The following WWP2 variants were observed in gnomAD, a reference collection of about 807,000 sequenced individuals.
WWP2 encodes NEDD4-like E3 ubiquitin-protein ligase WWP2.
A neutral mutation model predicts 121.0 loss-of-function variants in WWP2; 57 were observed. The observed-to-expected ratio is 0.47, with a 90% CI of 0.38 to 0.59. WWP2 has a LOEUF of 0.59. Ranked by LOEUF, WWP2 falls within the 20% of genes least tolerant of loss-of-function variation. The pLI is 0.00. For synonymous variants in WWP2, 449 were observed against 441.3 expected, an observed-to-expected ratio of 1.02 and a Z score of -0.22; for missense variants, 962 against 1,158.9, an observed-to-expected ratio of 0.83 and a Z score of 2.47.
intron 2 of WWP2, among the ~76,000 whole-genome samples, chr16:69,796,484 T>C (rs1203443505): frequency 6.6e-6 from 1 of 152,238 alleles, no homozygotes; most frequent in East Asian, 1.9e-4. Flanking sequence ...TGTGATCACG[T>C]GGCTGACTGG....
intron 4 of WWP2, among the ~76,000 whole-genome samples, chr16:69,817,070 T>C (rs927939335): frequency 6.6e-6 from 1 of 152,242 alleles, no homozygotes; most frequent in African/African-American, 2.4e-5. Context: ...CCTAATCCAG[T>C]TAATACTTTG....
chr16:69,889,629 G>A (rs1260215861), intron 8 of WWP2, among the ~76,000 whole-genome samples: 1 of 152,152 alleles, frequency 6.6e-6, no homozygotes, highest in Non-Finnish European at 1.5e-5. Flanking sequence ...GATATTTTCC[G>A]AGTGGTTGTG....
chr16:69,854,504 C>T (rs2057274179), intron 6 of WWP2, among the ~76,000 whole-genome samples: 1 of 151,550 alleles, frequency 6.6e-6, no homozygotes, highest in Admixed American at 6.6e-5. Flanking sequence ...AGAATGACTC[C>T]TTTCAAACGT....
chr16:69,909,834 C>T, intron 9 of WWP2: 1 of 475,754 alleles, frequency 2.1e-6, no homozygotes, highest in Non-Finnish European at 2.7e-6. Flanking sequence ...ACATACTCAA[C>T]ATTTAGCTTC....
intron 11 of WWP2, among the ~76,000 whole-genome samples, chr16:69,928,047 C>T (rs1195130533): frequency 6.6e-6 from 1 of 152,006 alleles, no homozygotes; most frequent in African/African-American, 2.4e-5. Context: ...AAATTTCAGT[C>T]GAGTCATAGA....
rs1009715534 is a variant in WWP2, at chr16:69,864,322, A to G, written c.576-7482A>G. Among the ~76,000 whole-genome samples the G allele has an allele frequency of 3.9e-5, 6 of 152,086 alleles. No homozygotes were observed. In the East Asian group the frequency reaches 9.7e-4, roughly 25 times the overall value. ...GGCTGCAGTGAGCCATGATCACGCC[A>G]TTGCACTCCAGCCTGGGTGACAGAG... On this transcript the variant is annotated intron_variant, in intron 6 of 23. Coordinates refer to ENST00000359154, the MANE Select transcript of WWP2 (RefSeq NM_001270454.2).
chr16:69,792,998 G>T (rs139349122), intron 2 of WWP2, among the ~76,000 whole-genome samples: 2 of 152,178 alleles, frequency 1.3e-5, no homozygotes, highest in Admixed American at 6.5e-5. Context: ...CCTTTAAACC[G>T]AATCTAATCA....
chr16:69,849,234 T>A (rs1448601131), intron 6 of WWP2, among the ~76,000 whole-genome samples: 1 of 150,996 alleles, frequency 6.6e-6, no homozygotes, highest in Non-Finnish European at 1.5e-5. Flanking sequence ...GGAGGAGGGG[T>A]GGAGGGTGGA....
chr16:69,852,259 G>C (rs2057229868), intron 6 of WWP2, among the ~76,000 whole-genome samples: 3 of 151,548 alleles, frequency 2.0e-5, no homozygotes, highest in Admixed American at 1.3e-4. Context: ...GCATTTCCTG[G>C]ATGATATATG....
intron 21 of WWP2, among the ~76,000 whole-genome samples, chr16:69,938,072 CA>C (rs999961922): frequency 2.7e-5 from 4 of 149,868 alleles, no homozygotes; most frequent in African/African-American, 7.4e-5. Context: ...ATACAGCATA[CA>C]AAAAAAAATA....
intron 21 of WWP2, among the ~76,000 whole-genome samples, chr16:69,938,673 C>T (rs900300679): frequency 3.9e-5 from 6 of 152,164 alleles, no homozygotes; most frequent in Non-Finnish European, 8.8e-5. Flanking sequence ...CACCTGGCAC[C>T]ACTATCTAAT....
chr16:69,785,067 C>A (rs1197351825), intron 1 of WWP2, among the ~76,000 whole-genome samples: 1 of 151,996 alleles, frequency 6.6e-6, no homozygotes, highest in African/African-American at 2.4e-5. Context: ...GAAACCCCAT[C>A]TCTACTAAAA....
At chr16:69,855,997 C>T (rs2057303738) in intron 6 of WWP2, among the ~76,000 whole-genome samples, 1 of 152,036 alleles carries the variant, frequency 6.6e-6, no homozygotes, top group Admixed American at 6.6e-5. Context: ...TGAAGCCAGG[C>T]ACAGTGGTAT....
intron 6 of WWP2, among the ~76,000 whole-genome samples, chr16:69,849,016 G>A (rs1182254991): frequency 6.6e-6 from 1 of 152,230 alleles, no homozygotes; most frequent in African/African-American, 2.4e-5. Context: ...TGGCATTAAC[G>A]GCCTCTGAAG....
chr16:69,851,119 T>G (rs1348571877), intron 6 of WWP2, among the ~76,000 whole-genome samples: 2 of 151,392 alleles, frequency 1.3e-5, no homozygotes, highest in Non-Finnish European at 2.9e-5. Context: ...CAAGTGAGTC[T>G]CATGCCTCAG....
At chr16:69,798,624 G>A in intron 2 of WWP2, 58 bp from the exon 3 acceptor site, 2 of 1,548,290 alleles carry the variant, frequency 1.3e-6, no homozygotes, top group East Asian at 4.5e-5. Context: ...ATCTGCCACA[G>A]GGGGGCATCT....
chr16:69,935,547 C>T lies in WWP2; in HGVS notation c.1843-306C>T, dbSNP rs564212354. 6.6e-6 allele frequency among the ~76,000 whole-genome samples: 1 copy of T among 152,338 alleles called. No individual in the cohort carries two copies. The highest frequency in any genetic ancestry group is 6.5e-5 in the Admixed American group (1 of 15,304). On this transcript the variant is annotated intron_variant, in intron 17 of 23. Coordinates refer to ENST00000359154, the MANE Select transcript of WWP2 (RefSeq NM_001270454.2). This position sits in a 1 kb window ranked among gnomAD's most constrained non-coding sequence, Gnocchi z 5.2. ...GAGCGTGGGGCAGACCTTTGCTAGG[C>T]CAGGAGCCAGCCGGCCAGCGTGCGG...
chr16:69,787,377 C>A (rs2055816419), intron 2 of WWP2, among the ~76,000 whole-genome samples: 1 of 152,070 alleles, frequency 6.6e-6, no homozygotes, highest in Admixed American at 6.6e-5. Flanking sequence ...TCCCTTAAGC[C>A]CAGAGTTTCA....
At chr16:69,874,197 C>T (rs952058034) in intron 7 of WWP2, among the ~76,000 whole-genome samples, 8 of 152,218 alleles carry the variant, frequency 5.3e-5, no homozygotes, top group African/African-American at 1.9e-4. Flanking sequence ...ACCTTTACCT[C>T]ACAGGCAGCC....
Sources: allele counts gnomAD v4.1 joint callset (sites outside exome capture counted in the v4.1 genomes callset), GRCh38; gene constraint gnomAD v4.1.1; non-coding constraint Gnocchi (gnomAD v3.1); transcripts MANE v1.5; gene names NCBI Gene and HGNC (gene_info 2026-07-23, HGNC 2026-07-21).